SEMA4B: variants seen among roughly 807,000 people sequenced by gnomAD.
SEMA4B encodes semaphorin-4B.
In SEMA4B, 55 loss-of-function variants were observed where a neutral mutation model predicts 88.1. The observed-to-expected ratio is 0.62, with a 90% CI of 0.50 to 0.78. SEMA4B has a LOEUF of 0.78. Among genes scored for constraint, SEMA4B ranks in the 30% least tolerant of loss-of-function variants. The pLI is 0.00. For synonymous variants in SEMA4B, 525 were observed against 473.6 expected (o/e 1.11, Z -1.41); for missense variants, 1,062 against 1,111.9 (o/e 0.96, Z 0.64).
intron 4 of SEMA4B, 45 bp from the exon 5 acceptor site, chr15:90,220,937 C>A: frequency 7.7e-7 from 1 of 1,295,494 alleles, no homozygotes; most frequent in Non-Finnish European, 1.1e-6. Context: ...GCCTGCTCCT[C>A]ATTCCCTGGA....
intron 1 of SEMA4B, among the ~76,000 whole-genome samples, chr15:90,188,793 G>A (rs1370683101): frequency 5.9e-5 from 9 of 151,560 alleles, no homozygotes; most frequent in Non-Finnish European, 1.0e-4. Context: ...TCAGCCTCCC[G>A]AGTAGCTGGG....
At chr15:90,203,248 C>A (rs2151595435) in intron 1 of SEMA4B, among the ~76,000 whole-genome samples, 2 of 152,314 alleles carry the variant, frequency 1.3e-5, no homozygotes, top group East Asian at 3.9e-4. Context: ...TTGACTGTAG[C>A]CCCTTGGGTG....
At chr15:90,209,635 A>G (rs1374802539) in intron 1 of SEMA4B, among the ~76,000 whole-genome samples, 1 of 152,166 alleles carries the variant, frequency 6.6e-6, no homozygotes, top group Non-Finnish European at 1.5e-5. Flanking sequence ...CATTGCCATC[A>G]TCCGACAGTG....
intron 1 of SEMA4B, among the ~76,000 whole-genome samples, chr15:90,187,366 T>A (rs1960195377): frequency 6.6e-6 from 1 of 152,198 alleles, no homozygotes; most frequent in Admixed American, 6.5e-5. Context: ...TGGAAATGAT[T>A]TGAGACAGCT....
At chr15:90,224,686 G>A (rs1235415179) in intron 9 of SEMA4B, among the ~76,000 whole-genome samples, 1 of 152,218 alleles carries the variant, frequency 6.6e-6, no homozygotes, top group Non-Finnish European at 1.5e-5. Flanking sequence ...GGAGCAGGGA[G>A]TGTGGTCCTG....
At chr15:90,195,899 T>A (rs1419455997) in intron 1 of SEMA4B, among the ~76,000 whole-genome samples, 2 of 150,458 alleles carry the variant, frequency 1.3e-5, no homozygotes, top group Non-Finnish European at 3.0e-5. Flanking sequence ...CGTGAGCTGC[T>A]GGGCCCAGCC....
chr15:90,217,789 A>G lies in SEMA4B; in HGVS notation c.344A>G (p.Glu115Gly). 6.2e-7 allele frequency: 1 copy of G among 1,613,558 alleles called. No individual in the cohort carries two copies. The highest frequency in any genetic ancestry group is 8.5e-7 in the Non-Finnish European group (1 of 1,179,700). ...CAGCTGCTTTGGGGTGCAGACGCAG[A>G]GAAGAAACAGCAGTGCAGCTTCAAG... Reference protein sequence around the residue: ...YQELLWGADAEKKQQCSFKGK... With the variant: ...YQELLWGADAGKKQQCSFKGK... The change falls in exon 3 of 14, where the codon GAG becomes GGG. Residue 115 changes from glutamate (E) to glycine (G), a missense_variant. Transcript: ENST00000411539.
intron 1 of SEMA4B, among the ~76,000 whole-genome samples, chr15:90,191,047 A>G (rs1396602493): frequency 6.6e-6 from 1 of 152,186 alleles, no homozygotes. Flanking sequence ...GCGCCTCCTG[A>G]ACTCATATTG....
intron 1 of SEMA4B, among the ~76,000 whole-genome samples, chr15:90,210,798 C>T (rs1172521447): frequency 6.6e-6 from 1 of 152,080 alleles, no homozygotes; most frequent in Non-Finnish European, 1.5e-5. Flanking sequence ...CTTGGCAGGG[C>T]TGGCACTGCT....
At chr15:90,200,956 C>T (rs1960681707), upstream of SEMA4B, among the ~76,000 whole-genome samples, 2 of 152,212 alleles carry the variant, frequency 1.3e-5, no homozygotes, top group Admixed American at 6.5e-5. Context: ...GGAGCAAGAG[C>T]GGAGGGGGCG....
chr15:90,191,073 G>A (rs1053606730), intron 1 of SEMA4B, among the ~76,000 whole-genome samples: 1 of 152,234 alleles, frequency 6.6e-6, no homozygotes, highest in Non-Finnish European at 1.5e-5. Flanking sequence ...GCAGAGGAGT[G>A]ACAGTGGCAA....
chr15:90,206,666 C>A (rs1275816819), intron 1 of SEMA4B: 2 of 684,376 alleles, frequency 2.9e-6, no homozygotes. Context: ...TGGCCTAGCA[C>A]ATGGAATTCG....
At chr15:90,227,518 G>A in intron 12 of SEMA4B, 39 bp from the exon 13 acceptor site, 3 of 1,598,614 alleles carry the variant, frequency 1.9e-6, no homozygotes, top group Middle Eastern at 1.7e-4. Flanking sequence ...GAGCTCAGGG[G>A]ACTTCCTGGC....
intron 1 of SEMA4B, among the ~76,000 whole-genome samples, chr15:90,203,331 C>T (rs1960833303): frequency 6.6e-6 from 1 of 152,266 alleles, no homozygotes; most frequent in Non-Finnish European, 1.5e-5. Flanking sequence ...TCTGTTGTGG[C>T]CACAACTCCC....
rs1596161080 is a variant in SEMA4B, at chr15:90,225,932, T to C, written c.1688+105T>C. The C allele has an allele frequency of 9.3e-6, 8 of 856,208 alleles. No individual in the cohort carries two copies. The South Asian group carries it at 2.0e-4, about 21-fold the overall frequency. The allele number at this position is 856,208 out of a possible 1,614,324, so 53.0% of individuals were successfully genotyped here. A position where few individuals can be genotyped will look rare whatever the true frequency, so the allele number is the denominator to read the frequency against. On this transcript the variant is annotated intron_variant, in intron 12 of 13. Transcript: ENST00000411539. ...GGACCGCCACACAGCCTCGTTTATGTCCACTGTCTCAGCATAATTATTAAT... is the reference window on the plus strand; with the variant it reads ...GGACCGCCACACAGCCTCGTTTATGCCCACTGTCTCAGCATAATTATTAAT...
chr15:90,226,935 A>G (rs1202261218), intron 12 of SEMA4B, among the ~76,000 whole-genome samples: 1 of 152,150 alleles, frequency 6.6e-6, no homozygotes, highest in African/African-American at 2.4e-5. Context: ...GTTTAAAAAA[A>G]AAGATGAGAA....
chr15:90,210,599 G>C (rs1961217738), intron 1 of SEMA4B, among the ~76,000 whole-genome samples: 1 of 152,204 alleles, frequency 6.6e-6, no homozygotes, highest in African/African-American at 2.4e-5. Flanking sequence ...AGCCTTGTGA[G>C]GATGACATGA....
At chr15:90,219,552 C>T (rs1454316468) in intron 3 of SEMA4B, 10 of 518,066 alleles carry the variant, frequency 1.9e-5, no homozygotes, top group Non-Finnish European at 3.1e-5. Context: ...ACCCCTAGGC[C>T]GAAGGAAAGT....
chr15:90,222,878 G>C (rs1387915706), intron 7 of SEMA4B, among the ~76,000 whole-genome samples: 2 of 56,388 alleles, frequency 3.5e-5, no homozygotes, highest in East Asian at 6.0e-4. Context: ...CCCAGCACAA[G>C]AAGGAGTCAC....
Sources: gnomAD v4.1 joint callset for allele counts (sites outside exome capture counted in the v4.1 genomes callset) on GRCh38, gnomAD v4.1.1 for gene constraint, MANE v1.5 for transcripts, NCBI Gene and HGNC (gene_info 2026-07-23, HGNC 2026-07-21) for gene names.